GNAQ: variants seen among roughly 807,000 people sequenced by gnomAD.
GNAQ encodes the protein G protein subunit alpha q.
GNAQ carries 8 observed loss-of-function variants against 43.9 expected under a neutral mutation model. That is an observed-to-expected ratio of 0.18 (90% CI 0.11 to 0.33). The LOEUF (loss-of-function observed/expected upper bound fraction) is 0.33. Among genes scored for constraint, GNAQ ranks in the 10% least tolerant of loss-of-function variants. The pLI, the probability that GNAQ is intolerant of heterozygous loss-of-function variation, is 1.00. For missense variants in GNAQ, 158 were observed against 450.8 expected (o/e 0.35, Z 5.88); for synonymous variants, 155 against 170.7 (o/e 0.91, Z 0.71).
chr9:77,835,273 C>A (rs1019296169), intron 2 of GNAQ, among the ~76,000 whole-genome samples: 2 of 151,406 alleles, frequency 1.3e-5, no homozygotes, highest in East Asian at 1.9e-4. Flanking sequence ...ACAGATAAGG[C>A]CCTACTAGAT....
chr9:77,967,797 T>C (rs951547732), intron 1 of GNAQ, among the ~76,000 whole-genome samples: 5 of 152,090 alleles, frequency 3.3e-5, no homozygotes, highest in African/African-American at 9.7e-5. Flanking sequence ...CTGGTCAACA[T>C]GGTGAAACCT....
At chr9:77,733,221 T>C (rs1324449426) in intron 5 of GNAQ, among the ~76,000 whole-genome samples, 1 of 152,198 alleles carries the variant, frequency 6.6e-6, no homozygotes, top group African/African-American at 2.4e-5. Context: ...CAGTTATCTG[T>C]GAAAGCCCTG....
chr9:78,024,005 A>G (rs1823945256), intron 1 of GNAQ, among the ~76,000 whole-genome samples: 1 of 141,294 alleles, frequency 7.1e-6, no homozygotes, highest in African/African-American at 2.6e-5. Context: ...ACTGCACCAC[A>G]ATCCATTACT....
chr9:77,798,019 A>C (rs942478087), intron 3 of GNAQ, among the ~76,000 whole-genome samples: 2 of 152,222 alleles, frequency 1.3e-5, no homozygotes, highest in Non-Finnish European at 2.9e-5. Context: ...GACAACAGAG[A>C]GTTGCACATA....
Position 77,889,410 on chromosome 9 carries a change from C to CAAAAAAAAA in GNAQ, c.321+32742_321+32750dup, listed in dbSNP as rs58496646. ...TGGGCGACAAAGCCAGACCCTGTCT[C>CAAAAAAAAA]AAAAAAAAAAAAAAAAAAAAAAAAA... On this transcript the variant is annotated intron_variant, in intron 2 of 6. Coordinates refer to ENST00000286548, the MANE Select transcript of GNAQ (RefSeq NM_002072.5). Among the ~76,000 whole-genome samples the CAAAAAAAAA allele has an allele frequency of 1.3e-3, 61 of 48,064 alleles. 3 individuals carry two copies. Among genetic ancestry groups the CAAAAAAAAA allele is most frequent in the East Asian group, 3.3e-3 (3 of 900 alleles). 31.5% of individuals were successfully genotyped at this position (48,064 alleles called of 152,430 possible).
chr9:78,013,072 T>A (rs184015016), intron 1 of GNAQ, among the ~76,000 whole-genome samples: 71 of 152,198 alleles, frequency 4.7e-4, no homozygotes, highest in Admixed American at 1.1e-3. Flanking sequence ...AATAGGTGAA[T>A]TGCTAGGAAT....
chr9:77,835,678 A>T (rs1176513354), intron 2 of GNAQ, among the ~76,000 whole-genome samples: 1 of 152,230 alleles, frequency 6.6e-6, no homozygotes, highest in African/African-American at 2.4e-5. Flanking sequence ...TAAGGTAGGT[A>T]ATACTATTAG....
chr9:77,871,535 C>T (rs1157385282), intron 2 of GNAQ, among the ~76,000 whole-genome samples: 5 of 152,028 alleles, frequency 3.3e-5, no homozygotes, highest in Admixed American at 1.3e-4. Context: ...TATGAAATCT[C>T]GGAGAGATCC....
intron 2 of GNAQ, among the ~76,000 whole-genome samples, chr9:77,850,295 C>T (rs148499763): frequency 5.6e-4 from 85 of 152,318 alleles, no homozygotes; most frequent in Non-Finnish European, 9.0e-4. Context: ...AACCCTGGCT[C>T]CTCCTGGTCT....
intron 2 of GNAQ, among the ~76,000 whole-genome samples, chr9:77,895,864 C>G (rs149604127): frequency 1.3e-5 from 2 of 152,270 alleles, no homozygotes; most frequent in African/African-American, 2.4e-5. Context: ...CACAAGCTCT[C>G]TCTGTCTGCT....
At position 77,716,761 on chromosome 9, in the gene GNAQ, T is replaced by C; in HGVS notation, c.*4562A>G. 4.3e-6 allele frequency: 1 copy of C among 232,928 alleles called. No homozygotes were observed. The highest frequency in any genetic ancestry group is 8.5e-6 in the Non-Finnish European group (1 of 117,866). The allele number at this position is 232,928 out of a possible 1,614,324, so 14.4% of individuals were successfully genotyped here. ...TGTTTTCATAACATGTAAATGTCAT[T>C]TGCTATATTGGGTTGGAATCATACG... On this transcript the variant is annotated 3_prime_UTR_variant, in exon 7 of 7. Coordinates refer to ENST00000286548, the MANE Select transcript of GNAQ (RefSeq NM_002072.5).
intron 1 of GNAQ, among the ~76,000 whole-genome samples, chr9:77,998,804 G>A (rs1823608276): frequency 6.6e-6 from 1 of 151,920 alleles, no homozygotes; most frequent in South Asian, 2.1e-4. Context: ...AGACTTAAAA[G>A]GGCCGGGCAC....
chr9:77,829,061 T>C (rs1466454404), intron 2 of GNAQ, among the ~76,000 whole-genome samples: 2 of 151,954 alleles, frequency 1.3e-5, no homozygotes, highest in Non-Finnish European at 2.9e-5. Context: ...TGTCCTGGGG[T>C]GGGACAAGAG....
intron 2 of GNAQ, among the ~76,000 whole-genome samples, chr9:77,835,912 T>G (rs914002339): frequency 2.6e-5 from 4 of 152,190 alleles, no homozygotes; most frequent in African/African-American, 9.7e-5. Context: ...AAGCTGAAGA[T>G]AGCAATTCTA....
At chr9:77,793,386 C>A (rs1293640038) in intron 5 of GNAQ, among the ~76,000 whole-genome samples, 1 of 152,002 alleles carries the variant, frequency 6.6e-6, no homozygotes, top group African/African-American at 2.4e-5. Context: ...TCTATATAGA[C>A]ATTGGTTCAC....
At chr9:77,817,424 G>GGGAA in intron 2 of GNAQ, among the ~76,000 whole-genome samples, 1 of 152,194 alleles carries the variant, frequency 6.6e-6, no homozygotes, top group Middle Eastern at 3.4e-3. Context: ...AAGGAAGGAA[G>GGGAA]GGAAGGAGGG....
At chr9:77,770,199 G>C (rs1043311750) in intron 5 of GNAQ, among the ~76,000 whole-genome samples, 1 of 152,176 alleles carries the variant, frequency 6.6e-6, no homozygotes, top group African/African-American at 2.4e-5. Flanking sequence ...ATTCAACAAA[G>C]TTAGGTTTAC....
At chr9:77,830,487 A>G (rs577226366) in intron 2 of GNAQ, among the ~76,000 whole-genome samples, 1 of 152,322 alleles carries the variant, frequency 6.6e-6, no homozygotes, top group Admixed American at 6.5e-5. Context: ...AGGAGTCGTT[A>G]CTAAGTATCT....
intron 3 of GNAQ, among the ~76,000 whole-genome samples, chr9:77,798,936 A>G (rs1006359715): frequency 3.3e-5 from 5 of 152,182 alleles, no homozygotes; most frequent in African/African-American, 1.2e-4. Flanking sequence ...TAACACCACA[A>G]TCAGGACACA....
Sources: allele counts gnomAD v4.1 joint callset (sites outside exome capture counted in the v4.1 genomes callset), GRCh38; gene constraint gnomAD v4.1.1; transcripts MANE v1.5; gene names NCBI Gene and HGNC (gene_info 2026-07-23, HGNC 2026-07-21).